The following RHOBTB2 variants were observed in gnomAD, a reference collection of about 807,000 sequenced individuals.
The protein encoded by RHOBTB2 is Rho related BTB domain containing 2.
A neutral mutation model predicts 66.5 loss-of-function variants in RHOBTB2; 39 were observed. The ratio of observed to expected loss-of-function variants is 0.59; its 90% CI spans 0.45 to 0.77. The LOEUF (loss-of-function observed/expected upper bound fraction) is 0.77. Ranked by LOEUF, RHOBTB2 falls within the 30% of genes least tolerant of loss-of-function variation. The probability of loss-of-function intolerance (pLI) is 0.00; values close to 1 mark genes in which losing one functional copy is unlikely to be tolerated. For missense variants in RHOBTB2, 755 were observed against 999.1 expected, an observed-to-expected ratio of 0.76 and a Z score of 3.29; for synonymous variants, 390 against 395.0, an observed-to-expected ratio of 0.99 and a Z score of 0.15.
chr8:22,996,396 A>G (rs112040379), upstream of RHOBTB2, among the ~76,000 whole-genome samples: 7,945 of 152,136 alleles, frequency 0.052, 669 homozygotes, highest in African/African-American at 0.18. Context: ...GCAGAAGCAG[A>G]TTTGGGAAGC....
At chr8:22,994,571 G>A, upstream of RHOBTB2, 1 of 1,550,936 alleles carries the variant, frequency 6.4e-7, no homozygotes, top group South Asian at 1.2e-5. Flanking sequence ...GAGCCTGGAG[G>A]GAACACAGAG....
the RHOBTB2 span, among the ~76,000 whole-genome samples, chr8:22,957,940 C>T: frequency 6.6e-6 from 1 of 152,112 alleles, no homozygotes; most frequent in Non-Finnish European, 1.5e-5. Context: ...TTTCTTCAGA[C>T]CCCCAATAAA....
intron 7 of RHOBTB2, 22 bp from the exon 8 acceptor site, chr8:23,014,668 T>C (rs1168828997): frequency 7.5e-6 from 12 of 1,607,666 alleles, no homozygotes; most frequent in Admixed American, 5.0e-5. Flanking sequence ...CTTCAGCTGA[T>C]TGGTGGCCGT....
chr8:22,961,964 A>G, the RHOBTB2 span, among the ~76,000 whole-genome samples: 5 of 152,178 alleles, frequency 3.3e-5, no homozygotes, highest in Admixed American at 6.5e-5. Flanking sequence ...AAAAAAATAG[A>G]TACATCTGAT....
At chr8:23,002,360 T>C (rs1810808809) in intron 1 of RHOBTB2, among the ~76,000 whole-genome samples, 1 of 151,970 alleles carries the variant, frequency 6.6e-6, no homozygotes, top group Non-Finnish European at 1.5e-5. Flanking sequence ...GGAGAGAGAA[T>C]TGGGAGGAGG....
At chr8:22,996,555 GTGTGTGTGTGT>G (rs1810570994), upstream of RHOBTB2, among the ~76,000 whole-genome samples, 1 of 120,180 alleles carries the variant, frequency 8.3e-6, no homozygotes, top group African/African-American at 3.4e-5. Context: ...GTGTGTGTGT[GTGTGTGTGTGT>G]GTCTGTGTGT....
chr8:23,013,330 C>G (rs759970486), intron 7 of RHOBTB2, among the ~76,000 whole-genome samples: 19 of 152,010 alleles, frequency 1.2e-4, no homozygotes, highest in Non-Finnish European at 2.6e-4. Context: ...CCACCTCTCC[C>G]TCCTCTCTCA....
At chr8:23,001,094 C>T (rs759681536) in intron 1 of RHOBTB2, among the ~76,000 whole-genome samples, 8 of 152,068 alleles carry the variant, frequency 5.3e-5, no homozygotes, top group South Asian at 2.1e-4. Context: ...GCTGGGAGAG[C>T]GGTGGGCAGG....
exon 2 of RHOBTB2, chr8:22,992,135 A>G (rs534819695): frequency 6.6e-6 from 1 of 152,284 alleles, no homozygotes; most frequent in East Asian, 1.9e-4. Context: ...CATCCCTGAC[A>G]TCAACTGTCA....
chr8:23,005,593 C>A, intron 3 of RHOBTB2, 118 bp downstream of exon 3: 1 of 752,260 alleles, frequency 1.3e-6, no homozygotes, highest in Non-Finnish European at 2.3e-6. Context: ...GAGAAAACAG[C>A]TCTGGCAGAG....
Position 23,004,786 on chromosome 8 carries a change from G to A in RHOBTB2, c.192+160G>A. 1 of 688,178 alleles carries A rather than the reference G, an allele frequency of 1.5e-6. No individual in the cohort carries two copies. The highest frequency in any genetic ancestry group is 2.4e-6 in the Non-Finnish European group (1 of 409,442). 42.6% of individuals were successfully genotyped at this position (688,178 alleles called of 1,614,324 possible). ...GAAGAGGAAGGAGCCCCTGGAGAGA[G>A]GTTTAAGCCAAGTCTGCCCCAGGGA... On this transcript the variant is annotated intron_variant, in intron 2 of 9. Coordinates refer to ENST00000251822, the MANE Select transcript of RHOBTB2 (RefSeq NM_015178.3). This position sits in a 1 kb window ranked among gnomAD's most constrained non-coding sequence, Gnocchi z 6.4.
At chr8:23,007,819 T>A in intron 5 of RHOBTB2, 73 bp downstream of exon 5, 2 of 1,548,504 alleles carry the variant, frequency 1.3e-6, no homozygotes, top group South Asian at 1.1e-5. Context: ...TCTCAGCTCC[T>A]GGTGTCCTGG....
chr8:22,977,075 C>G, the RHOBTB2 span, among the ~76,000 whole-genome samples: 1 of 152,090 alleles, frequency 6.6e-6, no homozygotes, highest in Non-Finnish European at 1.5e-5. Context: ...GCCAACATAG[C>G]AAGACACCAT....
chr8:22,964,521 C>T, the RHOBTB2 span, among the ~76,000 whole-genome samples: 51 of 152,238 alleles, frequency 3.4e-4, no homozygotes, highest in African/African-American at 1.2e-3. Context: ...GCATTTTCAG[C>T]ACCTGCTCCT....
At chr8:22,995,595 TA>T (rs1233649025), upstream of RHOBTB2, among the ~76,000 whole-genome samples, 2 of 152,254 alleles carry the variant, frequency 1.3e-5, no homozygotes, top group Non-Finnish European at 2.9e-5. Flanking sequence ...AAGCTTCCTG[TA>T]TCCTTGTGGG....
upstream of RHOBTB2, among the ~76,000 whole-genome samples, chr8:22,982,458 C>T (rs1055374188): frequency 1.3e-5 from 2 of 151,982 alleles, no homozygotes; most frequent in Non-Finnish European, 2.9e-5. Context: ...CCTGTCTCTA[C>T]TAAAAATGCA....
Position 23,007,766 on chromosome 8 carries a change from A to T in RHOBTB2, c.1501+20A>T, listed in dbSNP as rs373166557. 1.1e-5 allele frequency: 17 copies of T among 1,607,582 alleles called. No homozygotes were observed. Among genetic ancestry groups the T allele is most frequent in the Admixed American group, 1.7e-5 (1 of 59,504 alleles). ...TCTCAGGTATGGAACAGGCTTGGAA[A>T]GCAAGGGGGTTCTGCATTGGTGCTA... On this transcript the variant is annotated intron_variant, in intron 5 of 9. Transcript: ENST00000251822.
chr8:22,993,083 G>A (rs1324740560), intron 2 of RHOBTB2, among the ~76,000 whole-genome samples: 1 of 152,242 alleles, frequency 6.6e-6, no homozygotes, highest in African/African-American at 2.4e-5. Flanking sequence ...CCTGTTCTGG[G>A]CTTCATTTTT....
chr8:22,967,952 T>A, the RHOBTB2 span, among the ~76,000 whole-genome samples: 1 of 151,420 alleles, frequency 6.6e-6, no homozygotes, highest in South Asian at 2.1e-4. Flanking sequence ...AGTCCAGGAG[T>A]TCGAGAGCAG....
Sources: allele counts gnomAD v4.1 joint callset (sites outside exome capture counted in the v4.1 genomes callset), GRCh38; gene constraint gnomAD v4.1.1; non-coding constraint Gnocchi (gnomAD v3.1); transcripts MANE v1.5; gene names NCBI Gene and HGNC (gene_info 2026-07-23, HGNC 2026-07-21).